Variants in CDH13 observed in about 807,000 individuals in gnomAD.
CDH13 encodes the protein cadherin-13.
CDH13 carries 24 observed loss-of-function variants against 63.8 expected under a neutral mutation model. The ratio of observed to expected loss-of-function variants is 0.38; its 90% CI spans 0.27 to 0.53. The LOEUF is 0.53. Ranked by LOEUF, CDH13 falls within the 20% of genes least tolerant of loss-of-function variation. The probability of loss-of-function intolerance (pLI) is 0.85; values close to 1 mark genes in which losing one functional copy is unlikely to be tolerated. For missense variants in CDH13, 1,049 were observed against 903.1 expected, an observed-to-expected ratio of 1.16 and a Z score of -2.07; for synonymous variants, 503 against 355.3, an observed-to-expected ratio of 1.42 and a Z score of -4.67.
chr16:83,594,896 T>A (rs546280410), intron 7 of CDH13, among the ~76,000 whole-genome samples: 6 of 152,362 alleles, frequency 3.9e-5, no homozygotes, highest in African/African-American at 1.4e-4. Flanking sequence ...TGTTTGCTTT[T>A]CAAATCAGTG....
intron 5 of CDH13, among the ~76,000 whole-genome samples, chr16:83,285,729 G>T (rs72804307): frequency 6.6e-6 from 1 of 152,076 alleles, no homozygotes; most frequent in Non-Finnish European, 1.5e-5. Context: ...TTGTGGGGGA[G>T]GGATGTTGAA....
intron 4 of CDH13, among the ~76,000 whole-genome samples, chr16:83,133,531 C>T (rs1242062961): frequency 6.6e-6 from 1 of 152,142 alleles, no homozygotes; most frequent in South Asian, 2.1e-4. Flanking sequence ...CAGAGTCTTG[C>T]TCTGTCACCC....
At chr16:83,025,067 T>C (rs1340489241) in intron 2 of CDH13, among the ~76,000 whole-genome samples, 1 of 152,074 alleles carries the variant, frequency 6.6e-6, no homozygotes, top group Non-Finnish European at 1.5e-5. Flanking sequence ...AAGGAAGCTG[T>C]GTAGGAAAAG....
At chr16:82,646,705 G>A (rs754720288) in intron 1 of CDH13, among the ~76,000 whole-genome samples, 2 of 152,144 alleles carry the variant, frequency 1.3e-5, no homozygotes, top group Non-Finnish European at 2.9e-5. Context: ...ATCTACAGAT[G>A]AGAAAACTGA....
chr16:83,217,641 G>T, intron 5 of CDH13, 144 bp downstream of exon 5: 3 of 800,836 alleles, frequency 3.7e-6, no homozygotes, highest in Non-Finnish European at 5.8e-6. Context: ...AGCTGAAGTG[G>T]ATGGAATTGA....
chr16:83,122,603 T>A (rs1222345898), intron 3 of CDH13, among the ~76,000 whole-genome samples: 1 of 152,190 alleles, frequency 6.6e-6, no homozygotes, highest in African/African-American at 2.4e-5. Context: ...GTTTGGGACT[T>A]TGTGATTGTC....
intron 10 of CDH13, among the ~76,000 whole-genome samples, chr16:83,745,484 G>A (rs1053331177): frequency 1.3e-5 from 2 of 152,204 alleles, no homozygotes; most frequent in Non-Finnish European, 2.9e-5. Context: ...GAGACTCCAG[G>A]AGAGGCTGGG....
At chr16:83,733,385 T>C (rs999469923) in intron 10 of CDH13, among the ~76,000 whole-genome samples, 1 of 152,316 alleles carries the variant, frequency 6.6e-6, no homozygotes, top group Admixed American at 6.5e-5. Context: ...CCCGGTAACC[T>C]GGCCTCCATC....
chr16:83,548,374 T>C (rs1026302662), intron 7 of CDH13, among the ~76,000 whole-genome samples: 17 of 152,116 alleles, frequency 1.1e-4, no homozygotes, highest in African/African-American at 4.1e-4. Context: ...ATTTCATAGG[T>C]AAAAACTAAG....
At chr16:83,320,956 T>C (rs1428942630) in intron 5 of CDH13, among the ~76,000 whole-genome samples, 1 of 152,228 alleles carries the variant, frequency 6.6e-6, no homozygotes, top group Non-Finnish European at 1.5e-5. Flanking sequence ...GAATGTGAAG[T>C]CTTTGGAAAA....
In CDH13 at chr16:83,364,011, A is replaced by C. The variant is rs188820475; in HGVS notation, c.781+19005A>C. 1.1e-4 allele frequency among the ~76,000 whole-genome samples: 16 copies of C among 152,028 alleles called. No homozygotes were observed. In the East Asian group the frequency reaches 2.9e-3, roughly 28 times the overall value. ...ACTTCTTGAATCTCATTCCCTCCAC[A>C]CTCACCCCTCCAATTTAGCTAGCTT... On this transcript the variant is annotated intron_variant, in intron 6 of 13. Transcript: ENST00000567109.
chr16:82,830,975 T>A (rs920067448), intron 1 of CDH13, among the ~76,000 whole-genome samples: 1 of 152,160 alleles, frequency 6.6e-6, no homozygotes, highest in African/African-American at 2.4e-5. Flanking sequence ...GCTTAGCAAA[T>A]CTTCCGCAGA....
chr16:82,810,478 G>C (rs924340151), intron 1 of CDH13, among the ~76,000 whole-genome samples: 6 of 152,154 alleles, frequency 3.9e-5, no homozygotes, highest in African/African-American at 1.4e-4. Flanking sequence ...CAAAGTGGAG[G>C]GATCCATTAG....
intron 3 of CDH13, among the ~76,000 whole-genome samples, chr16:83,086,490 CAGATCCT>C (rs2033603220): frequency 6.6e-6 from 1 of 152,128 alleles, no homozygotes; most frequent in Non-Finnish European, 1.5e-5. Flanking sequence ...GTTTCTGTCC[CAGATCCT>C]TTATCAAGGA....
At chr16:83,045,247 A>C (rs770331452) in intron 3 of CDH13, among the ~76,000 whole-genome samples, 1 of 152,320 alleles carries the variant, frequency 6.6e-6, no homozygotes, top group African/African-American at 2.4e-5. Flanking sequence ...ATCATGACCC[A>C]TTAATAAAAC....
At chr16:83,239,478 C>T (rs66630020) in intron 5 of CDH13, among the ~76,000 whole-genome samples, 16,328 of 152,234 alleles carry the variant, frequency 0.11, 1,152 homozygotes, top group Non-Finnish European at 0.16. Context: ...GAGGGTCTTA[C>T]TTCGCCAGCC....
Position 83,299,221 on chromosome 16 carries a change from A to C in CDH13, c.637-45641A>C, listed in dbSNP as rs541034803. Among the ~76,000 whole-genome samples, 141 of 152,088 alleles carry C rather than the reference A, an allele frequency of 9.3e-4. 1 individual carries two copies. The Middle Eastern group carries it at 0.014, about 15-fold the overall frequency. ...TTTTAATGGCTGGAGAAGATACCAC[A>C]GTGTGGATGTTTCTCTTTGTTTTAT... On this transcript the variant is annotated intron_variant, in intron 5 of 13. Coordinates refer to ENST00000567109, the MANE Select transcript of CDH13 (RefSeq NM_001257.5).
intron 3 of CDH13, among the ~76,000 whole-genome samples, chr16:83,050,026 C>T (rs1268360833): frequency 1.3e-5 from 2 of 152,128 alleles, no homozygotes; most frequent in East Asian, 1.9e-4. Context: ...GCAAGATTTA[C>T]AAATTACATA....
chr16:83,737,233 A>C (rs1911623784), intron 10 of CDH13, among the ~76,000 whole-genome samples: 1 of 152,058 alleles, frequency 6.6e-6, no homozygotes, highest in Non-Finnish European at 1.5e-5. Flanking sequence ...CTCAGACTTA[A>C]GTTATTAGTG....
Sources: gnomAD v4.1 joint callset for allele counts (sites outside exome capture counted in the v4.1 genomes callset) on GRCh38, gnomAD v4.1.1 for gene constraint, MANE v1.5 for transcripts, NCBI Gene and HGNC (gene_info 2026-07-23, HGNC 2026-07-21) for gene names.